Variants in SIPA1L1 observed in about 807,000 individuals in gnomAD.
The protein encoded by SIPA1L1 is signal induced proliferation associated 1 like 1.
Under a neutral mutation model 162.7 loss-of-function variants are expected in SIPA1L1, and 26 were observed. The ratio of observed to expected loss-of-function variants is 0.16; its 90% confidence interval spans 0.12 to 0.22. SIPA1L1 has a LOEUF of 0.22. SIPA1L1 is among the 10% of genes least tolerant of loss of function. The pLI is 1.00. For missense variants in SIPA1L1, 1,874 were observed against 2,241.0 expected (o/e 0.84, Z 3.31); for synonymous variants, 829 against 837.4 (o/e 0.99, Z 0.17).
At chr14:71,393,265 G>C (rs536202665) in intron 2 of SIPA1L1, among the ~76,000 whole-genome samples, 2 of 152,088 alleles carry the variant, frequency 1.3e-5, no homozygotes, top group South Asian at 4.2e-4. Flanking sequence ...ACACATCTTA[G>C]GTCTAAAAAA....
intron 2 of SIPA1L1, among the ~76,000 whole-genome samples, chr14:71,382,090 T>G (rs564653125): frequency 6.6e-6 from 1 of 152,334 alleles, no homozygotes; most frequent in Admixed American, 6.5e-5. Context: ...AGGAAGCCAA[T>G]CCAAGTTAAC....
At chr14:71,676,399 T>C (rs936655407) in intron 12 of SIPA1L1, among the ~76,000 whole-genome samples, 1 of 151,942 alleles carries the variant, frequency 6.6e-6, no homozygotes, top group African/African-American at 2.4e-5. Flanking sequence ...TACAATTTTT[T>C]TAAGAGAAGA....
chr14:71,717,390 TC>T (rs1414045584), intron 17 of SIPA1L1, among the ~76,000 whole-genome samples: 1 of 152,210 alleles, frequency 6.6e-6, no homozygotes, highest in Non-Finnish European at 1.5e-5. Flanking sequence ...TTCTAGTGAT[TC>T]CAATTTGGCC....
At chr14:71,526,856 C>T (rs967617364) in intron 3 of SIPA1L1, among the ~76,000 whole-genome samples, 3 of 152,184 alleles carry the variant, frequency 2.0e-5, no homozygotes, top group Admixed American at 2.0e-4. Context: ...TATGTTTGCA[C>T]ATTCCCAGGA....
chr14:71,345,611 T>C (rs1183707817), intron 2 of SIPA1L1, among the ~76,000 whole-genome samples: 1 of 151,108 alleles, frequency 6.6e-6, no homozygotes, highest in East Asian at 1.9e-4. Flanking sequence ...TCTCGCTCTG[T>C]CGCCCAGGCT....
intron 2 of SIPA1L1, among the ~76,000 whole-genome samples, chr14:71,340,064 A>G (rs996840250): frequency 1.3e-5 from 2 of 152,262 alleles, no homozygotes; most frequent in African/African-American, 2.4e-5. Context: ...TGCTTATAAT[A>G]GGTAGCTATG....
chr14:71,555,077 A>G (rs1179782029), intron 4 of SIPA1L1, among the ~76,000 whole-genome samples: 1 of 152,236 alleles, frequency 6.6e-6, no homozygotes, highest in Non-Finnish European at 1.5e-5. Context: ...CATTGGCTTC[A>G]ACTTTAAGTC....
chr14:71,489,738 A>T (rs2049082415), intron 2 of SIPA1L1, among the ~76,000 whole-genome samples: 1 of 152,060 alleles, frequency 6.6e-6, no homozygotes, highest in African/African-American at 2.4e-5. Context: ...ATTGCCAAAA[A>T]ATCTCATAAT....
rs2034822810 is a variant in SIPA1L1 at position 71,588,020 on chromosome 14, G to T, written c.148G>T (p.Val50Phe). 1.2e-6 allele frequency: 2 copies of T among 1,613,998 alleles called. No individual in the cohort carries two copies. The highest frequency in any genetic ancestry group is 1.7e-6 in the Non-Finnish European group (2 of 1,180,004). ...CCAAAATGGCAGCTTAGGATCATCA[G>T]TTATGGCTCCTGTAGGACCCCCCCG... ...RSQNGSLGSSVMAPVGPPRSE... is the reference protein window; with the variant it reads ...RSQNGSLGSSFMAPVGPPRSE... Residue 50 changes from valine (V) to phenylalanine (F), a missense_variant, in exon 5 of 24, where the codon GTT becomes TTT. Physicochemically the swap from Val to Phe is conservative, Grantham distance 50. Transcript: ENST00000381232. The surrounding 1 kb of genome is among the most constrained non-coding windows in gnomAD (Gnocchi z 4.3).
chr14:71,572,858 C>T (rs893150828), intron 4 of SIPA1L1, among the ~76,000 whole-genome samples: 5 of 152,160 alleles, frequency 3.3e-5, no homozygotes, highest in African/African-American at 1.2e-4. Flanking sequence ...GCCGTAGTAA[C>T]GTAAATCCTA....
At chr14:71,716,815 G>A (rs896615667) in intron 17 of SIPA1L1, among the ~76,000 whole-genome samples, 2 of 152,220 alleles carry the variant, frequency 1.3e-5, no homozygotes, top group African/African-American at 4.8e-5. Flanking sequence ...CCAGGTTGCT[G>A]TACACGTGAT....
At position 71,487,793 on chromosome 14, in the gene SIPA1L1, A is replaced by G. The variant is rs566240834; in HGVS notation, c.-464-24950A>G. Among the ~76,000 whole-genome samples the G allele has an allele frequency of 5.9e-5, 9 of 152,326 alleles. No homozygotes were observed. The South Asian group carries it at 1.7e-3, about 28-fold the overall frequency. On this transcript the variant is annotated intron_variant, in intron 2 of 23. Transcript: ENST00000381232. The stretch of plus-strand genomic sequence containing the variant: ...AGATACCAGGGCATAATTGAGAGCT[A>G]TAATTATTTGTCATTGGAAGACTCA...
chr14:71,668,896 T>C (rs188128196), intron 10 of SIPA1L1, among the ~76,000 whole-genome samples: 6 of 152,362 alleles, frequency 3.9e-5, no homozygotes, highest in Admixed American at 3.3e-4. Flanking sequence ...ATAATTAATA[T>C]ATCTTAAGTA....
chr14:71,608,316 G>C (rs2037769719), intron 5 of SIPA1L1, among the ~76,000 whole-genome samples: 1 of 152,170 alleles, frequency 6.6e-6, no homozygotes, highest in South Asian at 2.1e-4. Flanking sequence ...CTACCTGTTA[G>C]AGACTTCCCC....
chr14:71,418,429 A>G (rs1049401084), intron 2 of SIPA1L1, among the ~76,000 whole-genome samples: 25 of 152,210 alleles, frequency 1.6e-4, no homozygotes, highest in African/African-American at 5.8e-4. Context: ...AGAAGAGAGA[A>G]CATGAACTAT....
intron 2 of SIPA1L1, among the ~76,000 whole-genome samples, chr14:71,472,125 C>G (rs1338089458): frequency 6.6e-6 from 1 of 152,172 alleles, no homozygotes; most frequent in African/African-American, 2.4e-5. Context: ...ATGCCCACCA[C>G]CCTCACTGCT....
intron 3 of SIPA1L1, among the ~76,000 whole-genome samples, chr14:71,528,335 A>G (rs115880156): frequency 2.0e-5 from 3 of 152,284 alleles, no homozygotes; most frequent in African/African-American, 7.2e-5. Context: ...TGAGTAGACT[A>G]CATGATTTTT....
intron 2 of SIPA1L1, among the ~76,000 whole-genome samples, chr14:71,339,124 G>A (rs2035386114): frequency 1.3e-5 from 2 of 152,160 alleles, no homozygotes; most frequent in Non-Finnish European, 2.9e-5. Context: ...TAGAGTCAAG[G>A]GAGTAATGCA....
In SIPA1L1 at chr14:71,671,323, T is replaced by G; in HGVS notation, c.2460T>G (p.Asn820Lys). 1 of 1,614,236 alleles carries G rather than the reference T, an allele frequency of 6.2e-7. No individual in the cohort carries two copies. The highest frequency in any genetic ancestry group is 1.1e-5 in the South Asian group (1 of 91,080). Reference protein sequence around the residue: ...QEYLKDLAEKNVTNTPIDPSG... With the variant: ...QEYLKDLAEKKVTNTPIDPSG... ...ACCTGAAAGATCTGGCAGAAAAGAATGTCACCAACACCCCTATCGACCCTT... is the reference window on the plus strand; with the variant it reads ...ACCTGAAAGATCTGGCAGAAAAGAAGGTCACCAACACCCCTATCGACCCTT... Residue 820 changes from asparagine (N) to lysine (K), a missense_variant, in exon 11 of 24, where the codon AAT becomes AAG. By Grantham distance (94) the Asn-to-Lys change is moderately conservative (BLOSUM62 0). Transcript: ENST00000381232.
Sources: allele counts gnomAD v4.1 joint callset (sites outside exome capture counted in the v4.1 genomes callset), GRCh38; gene constraint gnomAD v4.1.1; non-coding constraint Gnocchi (gnomAD v3.1); transcripts MANE v1.5; gene names NCBI Gene and HGNC (gene_info 2026-07-23, HGNC 2026-07-21).